The following TF variants were observed in gnomAD, a reference collection of about 807,000 sequenced individuals.
TF encodes serotransferrin.
A neutral mutation model predicts 82.4 loss-of-function variants in TF; 55 were observed. The ratio of observed to expected loss-of-function variants is 0.67; its 90% confidence interval spans 0.54 to 0.84. The LOEUF (loss-of-function observed/expected upper bound fraction) is 0.84, where lower values mean the gene tolerates loss of function less well. TF is among the 40% of genes least tolerant of loss of function. TF has a pLI of 0.00. For synonymous variants in TF, 332 were observed against 332.6 expected (o/e 1.00, Z 0.02); for missense variants, 737 against 868.4 (o/e 0.85, Z 1.90).
chr3:133,743,538 T>A (rs1933433257), upstream of TF, among the ~76,000 whole-genome samples: 1 of 152,090 alleles, frequency 6.6e-6, no homozygotes, highest in African/African-American at 2.4e-5. Context: ...CAGACTGCCT[T>A]CTTTTGTATT....
At chr3:133,673,047 A>G in the TF span, among the ~76,000 whole-genome samples, 1 of 152,310 alleles carries the variant, frequency 6.6e-6, no homozygotes, top group South Asian at 2.1e-4. Flanking sequence ...AGAATTATTG[A>G]AAACTTTCCC....
the TF span, among the ~76,000 whole-genome samples, chr3:133,732,996 C>T: frequency 1.3e-5 from 2 of 152,162 alleles, no homozygotes; most frequent in Non-Finnish European, 2.9e-5. Context: ...TTCTCTTGTC[C>T]TAATTCGTGC....
the TF span, among the ~76,000 whole-genome samples, chr3:133,708,202 T>C: frequency 1.8e-4 from 28 of 152,152 alleles, no homozygotes; most frequent in African/African-American, 6.8e-4. Flanking sequence ...TAATAAGATA[T>C]AACTTAGATT....
chr3:133,666,784 C>G, the TF span, among the ~76,000 whole-genome samples: 3 of 152,288 alleles, frequency 2.0e-5, no homozygotes, highest in Non-Finnish European at 2.9e-5. Flanking sequence ...TGCCTGTAAT[C>G]CCAGCATTTT....
At chr3:133,728,692 G>A in the TF span, among the ~76,000 whole-genome samples, 3 of 152,154 alleles carry the variant, frequency 2.0e-5, no homozygotes, top group African/African-American at 7.2e-5. Flanking sequence ...TTCCGTTGCT[G>A]GTGAGGAACT....
upstream of TF, among the ~76,000 whole-genome samples, chr3:133,744,719 A>T (rs903345202): frequency 6.6e-6 from 1 of 152,206 alleles, no homozygotes; most frequent in Non-Finnish European, 1.5e-5. Context: ...CTCACTGTAA[A>T]CAGAAAGCTT....
Position 133,779,008 on chromosome 3 carries a change from A to G in TF, c.*388A>G. On this transcript the variant is annotated 3_prime_UTR_variant, in exon 17 of 17. Transcript: ENST00000402696. ...ATCATTAAAATATAATCAAATGTAT[A>G]CTGGTGTGTGTGTGCACGTGCGCGT... 1 of 278,468 alleles carries G rather than the reference A, an allele frequency of 3.6e-6. No homozygotes were observed. Among genetic ancestry groups the G allele is most frequent in the Non-Finnish European group, 7.0e-6 (1 of 143,878 alleles). 17.2% of individuals were successfully genotyped at this position (278,468 alleles called of 1,614,324 possible).
Position 133,779,659 on chromosome 3 carries a change from C to CCT in TF, c.*1041_*1042dup. On this transcript the variant is annotated 3_prime_UTR_variant, in exon 17 of 17. Coordinates refer to ENST00000402696, the MANE Select transcript of TF (RefSeq NM_001063.4). ...TCAGTGCTCCTCTCACTTTGCAGGC[C>CCT]CTCCTTCAGTGATGCTCATGACTCC... is the stretch of plus-strand genomic sequence containing the variant. 6.6e-6 allele frequency: 1 copy of CCT among 152,516 alleles called. No individual in the cohort carries two copies. The highest frequency in any genetic ancestry group is 2.4e-5 in the African/African-American group (1 of 41,528). The allele number at this position is 152,516 out of a possible 1,614,324, so 9.4% of individuals were successfully genotyped here. A position where few individuals can be genotyped will look rare whatever the true frequency, so the allele number is the denominator to read the frequency against.
chr3:133,723,493 C>G, the TF span, among the ~76,000 whole-genome samples: 124 of 141,570 alleles, frequency 8.8e-4, no homozygotes, highest in African/African-American at 3.1e-3. Context: ...TTTTTTTTCT[C>G]TCTGACTGGG....
At chr3:133,725,366 C>G in the TF span, among the ~76,000 whole-genome samples, 1 of 152,078 alleles carries the variant, frequency 6.6e-6, no homozygotes, top group Non-Finnish European at 1.5e-5. Context: ...TGGGGAGGTC[C>G]TTCACGTCCC....
chr3:133,747,387 G>A (rs932996987), intron 1 of TF: 3 of 152,268 alleles, frequency 2.0e-5, no homozygotes, highest in African/African-American at 4.8e-5. Flanking sequence ...GATTTCCCAT[G>A]GGCCAAGAGG....
At chr3:133,669,085 C>G in the TF span, among the ~76,000 whole-genome samples, 1 of 152,124 alleles carries the variant, frequency 6.6e-6, no homozygotes, top group African/African-American at 2.4e-5. Flanking sequence ...ACTGCAACCT[C>G]CGCCTCCCGG....
chr3:133,716,137 ACTCAGGGCTCTGTACTTGGAGTTCTT>A, the TF span, among the ~76,000 whole-genome samples: 3 of 149,884 alleles, frequency 2.0e-5, no homozygotes, highest in Non-Finnish European at 4.4e-5. Context: ...TGCTGGCATG[ACTCAGGGCTCTGTACTTGGAGTTCTT>A]CTCTCTGCTG....
Position 133,775,492 on chromosome 3 carries a change from C to G in TF, c.1747C>G (p.Leu583Val). Reference protein sequence around the residue: ...LNEKDYELLCLDGTRKPVEEY... With the variant: ...LNEKDYELLCVDGTRKPVEEY... ...TGAAAAAGACTATGAGTTGCTGTGC[C>G]TTGATGGTACCAGGAAACCTGTGGA... is the stretch of plus-strand genomic sequence containing the variant. Residue 583 changes from leucine (L) to valine (V), a missense_variant, in exon 15 of 17, where the codon CTT becomes GTT. Transcript: ENST00000402696. 1 of 1,614,216 alleles carries G rather than the reference C, an allele frequency of 6.2e-7. No individual in the cohort carries two copies. The highest frequency in any genetic ancestry group is 1.1e-5 in the South Asian group (1 of 91,082).
chr3:133,700,324 C>T, the TF span: 1 of 152,320 alleles, frequency 6.6e-6, no homozygotes, highest in Non-Finnish European at 1.5e-5. Context: ...AAGAGCACGT[C>T]GGTAGGTGCT....
At chr3:133,686,363 T>C in the TF span, among the ~76,000 whole-genome samples, 1 of 152,238 alleles carries the variant, frequency 6.6e-6, no homozygotes, top group South Asian at 2.1e-4. Flanking sequence ...CTAATTAAAC[T>C]AAAGAACTTC....
chr3:133,679,377 G>T, the TF span, among the ~76,000 whole-genome samples: 1 of 152,124 alleles, frequency 6.6e-6, no homozygotes, highest in Non-Finnish European at 1.5e-5. Flanking sequence ...TATGCACTCA[G>T]TTAAAGTATA....
intron 2 of TF, 21 bp from the exon 3 acceptor site, chr3:133,753,574 G>C: frequency 6.2e-7 from 1 of 1,609,614 alleles, no homozygotes; most frequent in South Asian, 1.1e-5. Context: ...CTTCATCCAG[G>C]ACTGGCCTGT....
intron 15 of TF, 77 bp downstream of exon 15, chr3:133,775,694 G>A: frequency 1.4e-6 from 2 of 1,459,926 alleles, no homozygotes; most frequent in Non-Finnish European, 1.9e-6. Context: ...ACAACAAAGT[G>A]CAGCCATGAC....
Sources: allele counts gnomAD v4.1 joint callset (sites outside exome capture counted in the v4.1 genomes callset), GRCh38; gene constraint gnomAD v4.1.1; transcripts MANE v1.5; gene names NCBI Gene and HGNC (gene_info 2026-07-23, HGNC 2026-07-21).